LYPD3: variants seen among roughly 807,000 people sequenced by gnomAD.
The protein encoded by LYPD3 is ly6/PLAUR domain-containing protein 3.
Under a neutral mutation model 21.7 loss-of-function variants are expected in LYPD3, and 22 were observed. The observed-to-expected ratio is 1.01, with a 90% confidence interval of 0.72 to 1.45. The LOEUF (loss-of-function observed/expected upper bound fraction) is 1.45. LYPD3 is among the 40% of genes most tolerant of loss of function. The pLI, the probability that LYPD3 is intolerant of heterozygous loss-of-function variation, is 0.00. For synonymous variants in LYPD3, 179 were observed against 203.0 expected (o/e 0.88, Z 1.00); for missense variants, 471 against 466.9 (o/e 1.01, Z -0.08).
intron 3 of LYPD3, 40 bp downstream of exon 3, chr19:43,463,559 G>A (rs758448354): frequency 2.5e-6 from 4 of 1,592,448 alleles, no homozygotes; most frequent in Admixed American, 3.4e-5. Context: ...AGGCCCGAAT[G>A]TGGCTCCGCC....
At chr19:43,465,312 A>T (rs1970812815) in intron 1 of LYPD3, among the ~76,000 whole-genome samples, 181 bp downstream of exon 1, 1 of 152,070 alleles carries the variant, frequency 6.6e-6, no homozygotes, top group Non-Finnish European at 1.5e-5. Flanking sequence ...AACCCTTCCT[A>T]CGGCCCATGG....
chr19:43,464,926 C>CTTTTTTTTTTTTTTTTTTTTT (rs768875729), intron 1 of LYPD3, among the ~76,000 whole-genome samples: 3 of 97,256 alleles, frequency 3.1e-5, no homozygotes, highest in Non-Finnish European at 6.0e-5. Flanking sequence ...TTCTTTTTTT[C>CTTTTTTTTTTTTTTTTTTTTT]TTTTTTTCTT....
At position 43,463,609 on chromosome 19, in the gene LYPD3, G is replaced by C. The variant is rs548548289; in HGVS notation, c.372C>G (p.Leu124=). ...NAKLNLTSRA[L]DPAGNESAYP... The stretch of plus-strand genomic sequence containing the variant: ...CCGGCCCCCACGGACCTGCCGGGTC[G>C]AGCGCCCGCGAGGTGAGGTTGAGCT... The change falls in exon 3 of 5, where the codon CTC becomes CTG. Residue 124 remains leucine (L), a synonymous_variant. Coordinates refer to ENST00000244333, the MANE Select transcript of LYPD3 (RefSeq NM_014400.3). 1.2e-6 allele frequency: 2 copies of C among 1,601,290 alleles called. No individual in the cohort carries two copies. The highest frequency in any genetic ancestry group is 1.3e-5 in the African/African-American group (1 of 75,028).
intron 4 of LYPD3, 132 bp from the exon 5 acceptor site, chr19:43,461,979 C>T: frequency 1.1e-6 from 1 of 895,876 alleles, no homozygotes; most frequent in East Asian, 2.6e-5. Flanking sequence ...GTAATCCCAG[C>T]ACTTTGGGAA....
rs1432814621 is a variant in LYPD3, at chr19:43,461,222, G to C, written c.*129C>G. On this transcript the variant is annotated 3_prime_UTR_variant, in exon 5 of 5. Transcript: ENST00000244333. Reference sequence around the variant, plus strand: ...GCAAACCAGCGCAGCAGAAGCTGGGGATACTGGGGAATGTTGGAAAAACAG... The same window carrying C: ...GCAAACCAGCGCAGCAGAAGCTGGGCATACTGGGGAATGTTGGAAAAACAG... The C allele has an allele frequency of 9.1e-7, 1 of 1,100,436 alleles. No homozygotes were observed. The highest frequency in any genetic ancestry group is 1.3e-6 in the Non-Finnish European group (1 of 783,236). 68.2% of individuals were successfully genotyped at this position (1,100,436 alleles called of 1,614,324 possible).
chr19:43,463,493 C>G, intron 3 of LYPD3, 106 bp downstream of exon 3: 2 of 1,441,562 alleles, frequency 1.4e-6, no homozygotes, highest in Non-Finnish European at 1.9e-6. Flanking sequence ...TGTGACCCCA[C>G]CCCCAGCCCA....
chr19:43,464,926 C>CTTTTTTTTTT (rs768875729), intron 1 of LYPD3, among the ~76,000 whole-genome samples: 20 of 97,246 alleles, frequency 2.1e-4, no homozygotes, highest in African/African-American at 5.8e-4. Flanking sequence ...TTCTTTTTTT[C>CTTTTTTTTTT]TTTTTTTCTT....
In LYPD3 at chr19:43,463,112, C is replaced by T; in HGVS notation, c.544+14G>A. 1 of 1,610,748 alleles carries T rather than the reference C, an allele frequency of 6.2e-7. No homozygotes were observed. The highest frequency in any genetic ancestry group is 8.5e-7 in the Non-Finnish European group (1 of 1,179,774). ...CACAACTCCCGTAGGTCCCGTGCTCCGGGGCTCCCTCACCTGCCGTCAAGG... is the reference window on the plus strand; with the variant it reads ...CACAACTCCCGTAGGTCCCGTGCTCTGGGGCTCCCTCACCTGCCGTCAAGG... On this transcript the variant is annotated intron_variant, in intron 4 of 4. Transcript: ENST00000244333.
chr19:43,462,018 G>A (rs1251379568), intron 4 of LYPD3, among the ~76,000 whole-genome samples, 171 bp from the exon 5 acceptor site: 1 of 149,932 alleles, frequency 6.7e-6, no homozygotes, highest in Non-Finnish European at 1.5e-5. Flanking sequence ...CTGGGCAACA[G>A]AGTGAGACTC....
chr19:43,463,500 C>T, intron 3 of LYPD3, 99 bp downstream of exon 3: 3 of 1,476,332 alleles, frequency 2.0e-6, no homozygotes, highest in East Asian at 2.4e-5. Context: ...CCACCCCCAG[C>T]CCAGGTCGAG....
rs1970771308 is a variant in LYPD3 at position 43,461,084 on chromosome 19, C to T, written c.*267G>A. 2.1e-6 allele frequency: 1 copy of T among 465,140 alleles called. No homozygotes were observed. The highest frequency in any genetic ancestry group is 1.9e-5 in the African/African-American group (1 of 51,712). The allele number at this position is 465,140 out of a possible 1,614,324, so 28.8% of individuals were successfully genotyped here. On this transcript the variant is annotated 3_prime_UTR_variant, in exon 5 of 5. Coordinates refer to ENST00000244333, the MANE Select transcript of LYPD3 (RefSeq NM_014400.3). ...GCTGACTTCTCTCACTCTGTCCTAACATCACAAGAGGACAAGCGGAGAGAC... is the reference window on the plus strand; with the variant it reads ...GCTGACTTCTCTCACTCTGTCCTAATATCACAAGAGGACAAGCGGAGAGAC...
At position 43,461,566 on chromosome 19, in the gene LYPD3, T is replaced by C. The variant is rs754214080; in HGVS notation, c.826A>G (p.Thr276Ala). ...ACTCCCTGTCTCGGAGTCTGACTGGTTGGCGCTGGCATGGGTTTGGTGGTG... is the reference window on the plus strand; with the variant it reads ...ACTCCCTGTCTCGGAGTCTGACTGGCTGGCGCTGGCATGGGTTTGGTGGTG... Reference protein sequence around the residue: ...TSTTKPMPAPTSQTPRQGVEH... With the variant: ...TSTTKPMPAPASQTPRQGVEH... Residue 276 changes from threonine to alanine, a missense_variant, in exon 5 of 5, where the codon ACC becomes GCC. Physicochemically the swap from Thr to Ala is moderately conservative, Grantham distance 58. Transcript: ENST00000244333. 1.9e-5 allele frequency: 30 copies of C among 1,613,994 alleles called. No homozygotes were observed. The highest frequency in any genetic ancestry group is 2.4e-5 in the Non-Finnish European group (28 of 1,180,010).
At chr19:43,464,926 C>CTTTTTTT (rs768875729) in intron 1 of LYPD3, among the ~76,000 whole-genome samples, 53 of 97,234 alleles carry the variant, frequency 5.5e-4, no homozygotes, top group Non-Finnish European at 7.0e-4. Flanking sequence ...TTCTTTTTTT[C>CTTTTTTT]TTTTTTTCTT....
rs1279938687 is a variant in LYPD3, at chr19:43,461,273, TGGGA to T, written c.*74_*77del. 3.5e-6 allele frequency: 5 copies of T among 1,442,602 alleles called. No homozygotes were observed. The African/African-American group carries it at 7.2e-5, about 21-fold the overall frequency. The allele number at this position is 1,442,602 out of a possible 1,614,324, so 89.4% of individuals were successfully genotyped here. A position where few individuals can be genotyped will look rare whatever the true frequency, so the allele number is the denominator to read the frequency against. ...GGGCTGGGCCAGCCCAGTCCAGTGGTGGGAACAGGAAGTGATGAGAAGAGGGGTA... is the reference window on the plus strand; with the variant it reads ...GGGCTGGGCCAGCCCAGTCCAGTGGTACAGGAAGTGATGAGAAGAGGGGTA... On this transcript the variant is annotated 3_prime_UTR_variant, in exon 5 of 5. Coordinates refer to ENST00000244333, the MANE Select transcript of LYPD3 (RefSeq NM_014400.3).
At position 43,461,094 on chromosome 19, in the gene LYPD3, G is replaced by A. The variant is rs1970771361; in HGVS notation, c.*257C>T. 4.1e-6 allele frequency: 2 copies of A among 486,878 alleles called. No homozygotes were observed. The highest frequency in any genetic ancestry group is 3.0e-5 in the South Asian group (1 of 32,962). 30.2% of individuals were successfully genotyped at this position (486,878 alleles called of 1,614,324 possible). A position where few individuals can be genotyped will look rare whatever the true frequency, so the allele number is the denominator to read the frequency against. On this transcript the variant is annotated 3_prime_UTR_variant, in exon 5 of 5. Coordinates refer to ENST00000244333, the MANE Select transcript of LYPD3 (RefSeq NM_014400.3). ...CTCACTCTGTCCTAACATCACAAGA[G>A]GACAAGCGGAGAGACAAGGATGAGA...
chr19:43,464,490 C>A (rs1376088686), intron 1 of LYPD3, 34 bp from the exon 2 acceptor site: 3 of 1,613,124 alleles, frequency 1.9e-6, no homozygotes, highest in Non-Finnish European at 2.5e-6. Context: ...CCTGAGCCCT[C>A]CTTGCTAAAG....
chr19:43,461,220 G>A lies in LYPD3; in HGVS notation c.*131C>T. The A allele has an allele frequency of 9.2e-7, 1 of 1,084,560 alleles. No individual in the cohort carries two copies. The highest frequency in any genetic ancestry group is 1.3e-6 in the Non-Finnish European group (1 of 768,904). The allele number at this position is 1,084,560 out of a possible 1,614,324, so 67.2% of individuals were successfully genotyped here. On this transcript the variant is annotated 3_prime_UTR_variant, in exon 5 of 5. Transcript: ENST00000244333. The stretch of plus-strand genomic sequence containing the variant: ...CCGCAAACCAGCGCAGCAGAAGCTG[G>A]GGATACTGGGGAATGTTGGAAAAAC...
rs1441205542 is a variant in LYPD3 at position 43,461,109 on chromosome 19, C to T, written c.*242G>A. On this transcript the variant is annotated 3_prime_UTR_variant, in exon 5 of 5. Coordinates refer to ENST00000244333, the MANE Select transcript of LYPD3 (RefSeq NM_014400.3). ...CATCACAAGAGGACAAGCGGAGAGA[C>T]AAGGATGAGAAGGATACAGGAGCTG... 1.3e-5 allele frequency: 7 copies of T among 521,048 alleles called. No homozygotes were observed. The highest frequency in any genetic ancestry group is 2.4e-5 in the Non-Finnish European group (7 of 293,370). 32.3% of individuals were successfully genotyped at this position (521,048 alleles called of 1,614,324 possible). A position where few individuals can be genotyped will look rare whatever the true frequency, so the allele number is the denominator to read the frequency against.
Position 43,461,198 on chromosome 19 carries a change from C to G in LYPD3, c.*153G>C, listed in dbSNP as rs1970772091. The G allele has an allele frequency of 1.1e-6, 1 of 940,156 alleles. No homozygotes were observed. The allele number at this position is 940,156 out of a possible 1,614,324, so 58.2% of individuals were successfully genotyped here. On this transcript the variant is annotated 3_prime_UTR_variant, in exon 5 of 5. Transcript: ENST00000244333. ...AACGGTATTTTATTTCCCAAAGCCG[C>G]AAACCAGCGCAGCAGAAGCTGGGGA... is the stretch of plus-strand genomic sequence containing the variant.
Sources: gnomAD v4.1 joint callset for allele counts (sites outside exome capture counted in the v4.1 genomes callset) on GRCh38, gnomAD v4.1.1 for gene constraint, MANE v1.5 for transcripts, NCBI Gene and HGNC (gene_info 2026-07-23, HGNC 2026-07-21) for gene names.